The following INPP4A variants were observed in gnomAD, a reference collection of about 807,000 sequenced individuals.
The protein encoded by INPP4A is inositol polyphosphate-4-phosphatase, type I, 107kD.
INPP4A carries 33 observed loss-of-function variants against 119.8 expected under a neutral mutation model. That is an observed-to-expected ratio of 0.28 (90% CI 0.21 to 0.37). The LOEUF is 0.37. Among genes scored for constraint, INPP4A ranks in the 10% least tolerant of loss-of-function variants. The pLI, the probability that INPP4A is intolerant of heterozygous loss-of-function variation, is 1.00. For missense variants in INPP4A, 956 were observed against 1,289.9 expected, an observed-to-expected ratio of 0.74 and a Z score of 3.97; for synonymous variants, 496 against 500.7, an observed-to-expected ratio of 0.99 and a Z score of 0.12.
intron 23 of INPP4A, among the ~76,000 whole-genome samples, chr2:98,573,955 T>C (rs1697959141): frequency 6.6e-6 from 1 of 152,256 alleles, no homozygotes. Flanking sequence ...GGTCAGACTT[T>C]ATCTTTGTGG....
chr2:98,462,533 G>T (rs1673791658), intron 1 of INPP4A, among the ~76,000 whole-genome samples: 2 of 147,024 alleles, frequency 1.4e-5, no homozygotes, highest in African/African-American at 2.5e-5. Context: ...AATTATTATT[G>T]TTTTTTTTTT....
chr2:98,450,457 T>C (rs1695028765), intron 1 of INPP4A, among the ~76,000 whole-genome samples: 1 of 152,232 alleles, frequency 6.6e-6, no homozygotes, highest in Admixed American at 6.5e-5. Flanking sequence ...TTCGAAACCA[T>C]TTATTTTATC....
chr2:98,578,240 C>T (rs568974277), intron 24 of INPP4A, among the ~76,000 whole-genome samples: 1 of 152,292 alleles, frequency 6.6e-6, no homozygotes, highest in South Asian at 2.1e-4. Context: ...AGCCTTGGTG[C>T]CATTCAGGCC....
Position 98,549,937 on chromosome 2 carries a change from A to G in INPP4A, c.1164-2849A>G, listed in dbSNP as rs142350170. Among the ~76,000 whole-genome samples, 1,075 of 152,050 alleles carry G rather than the reference A, an allele frequency of 7.1e-3. 19 individuals carry two copies. Among genetic ancestry groups the G allele is most frequent in the African/African-American group, 0.024 (1,005 of 41,460 alleles). On this transcript the variant is annotated intron_variant, in intron 13 of 24. Transcript: ENST00000409851. ...AGCCTCCCCTCCCTGCCTTTTCTCT[A>G]CTGGGGACTCTTTCAAGGCCTGATC...
intron 1 of INPP4A, among the ~76,000 whole-genome samples, chr2:98,471,412 CA>C (rs1675980938): frequency 6.6e-6 from 1 of 152,206 alleles, no homozygotes; most frequent in Non-Finnish European, 1.5e-5. Context: ...AAATATATAG[CA>C]GGTGGGAGTA....
chr2:98,520,341 G>A (rs1341724242), intron 3 of INPP4A, among the ~76,000 whole-genome samples, 187 bp downstream of exon 3: 3 of 152,192 alleles, frequency 2.0e-5, no homozygotes, highest in African/African-American at 7.2e-5. Flanking sequence ...CTCTTCCTGT[G>A]AACCGCTTCT....
chr2:98,531,942 A>G (rs1483331446), intron 4 of INPP4A, among the ~76,000 whole-genome samples: 2 of 152,218 alleles, frequency 1.3e-5, no homozygotes, highest in Admixed American at 1.3e-4. Context: ...ATGAATAGCA[A>G]CTATAGAAAA....
intron 1 of INPP4A, among the ~76,000 whole-genome samples, chr2:98,487,991 C>G (rs1268173440): frequency 6.6e-6 from 1 of 152,124 alleles, no homozygotes; most frequent in Non-Finnish European, 1.5e-5. Flanking sequence ...CTTCTTGATT[C>G]TGTTTTAGTT....
intron 1 of INPP4A, among the ~76,000 whole-genome samples, chr2:98,512,711 C>T (rs1685361233): frequency 6.6e-6 from 1 of 152,248 alleles, no homozygotes; most frequent in Non-Finnish European, 1.5e-5. Flanking sequence ...CCTCCCACTA[C>T]TGTTAGAATG....
chr2:98,505,373 A>C (rs1459148790), intron 1 of INPP4A, among the ~76,000 whole-genome samples: 1 of 152,148 alleles, frequency 6.6e-6, no homozygotes, highest in African/African-American at 2.4e-5. Flanking sequence ...TGCGTTTCCC[A>C]TGTGGGGCCT....
chr2:98,464,188 G>A (rs1035425022), intron 1 of INPP4A, among the ~76,000 whole-genome samples: 3 of 152,150 alleles, frequency 2.0e-5, no homozygotes, highest in African/African-American at 7.2e-5. Context: ...CACAGGCTGG[G>A]GAAGGTTGGG....
intron 9 of INPP4A, 82 bp downstream of exon 9, chr2:98,539,063 C>T: frequency 2.8e-6 from 2 of 706,802 alleles, no homozygotes; most frequent in Non-Finnish European, 4.8e-6. Context: ...TCCCCACCTG[C>T]TGCGATTGTC....
chr2:98,558,584 A>G (rs1694901517), intron 16 of INPP4A, among the ~76,000 whole-genome samples: 1 of 152,162 alleles, frequency 6.6e-6, no homozygotes, highest in Admixed American at 6.5e-5. Flanking sequence ...TAAAATCCCC[A>G]TAAAGCTGGT....
intron 1 of INPP4A, among the ~76,000 whole-genome samples, chr2:98,471,760 C>G (rs1292628188): frequency 2.6e-5 from 4 of 152,218 alleles, no homozygotes; most frequent in Non-Finnish European, 5.9e-5. Flanking sequence ...CCGCAGCCCC[C>G]TAGCCGCCAG....
At chr2:98,585,221 AC>A (rs1699821754) in intron 24 of INPP4A, among the ~76,000 whole-genome samples, 1 of 151,938 alleles carries the variant, frequency 6.6e-6, no homozygotes, top group Non-Finnish European at 1.5e-5. Flanking sequence ...AGTAGCAGCC[AC>A]CCCATGCTCA....
chr2:98,499,945 G>T (rs777443537), intron 1 of INPP4A, among the ~76,000 whole-genome samples: 10 of 152,170 alleles, frequency 6.6e-5, no homozygotes, highest in Non-Finnish European at 1.3e-4. Flanking sequence ...GTCCAGCAGG[G>T]TGTACTTGTG....
At chr2:98,524,569 G>A (rs1264589425) in intron 4 of INPP4A, among the ~76,000 whole-genome samples, 1 of 152,178 alleles carries the variant, frequency 6.6e-6, no homozygotes. Context: ...GCCACCTGCT[G>A]TACCTTACGT....
chr2:98,560,983 T>C lies in INPP4A; in HGVS notation c.1855+1488T>C, dbSNP rs1193877637. ...GAAGCACTGATGGCTTTTTCACAGT[T>C]GATGCTGATGGACTAAAATGGTCCT... is the stretch of plus-strand genomic sequence containing the variant. On this transcript the variant is annotated intron_variant, in intron 17 of 24. Transcript: ENST00000409851. Among the ~76,000 whole-genome samples, 2 of 152,210 alleles carry C rather than the reference T, an allele frequency of 1.3e-5. 1 individual carries two copies. The highest frequency in any genetic ancestry group is 6.3e-3 in the Middle Eastern group (2 of 316).
At chr2:98,520,809 A>G (rs763356641) in intron 4 of INPP4A, 78 bp downstream of exon 4, 23 of 780,236 alleles carry the variant, frequency 2.9e-5, no homozygotes, top group Middle Eastern at 2.5e-4. Context: ...CCACCAGTGC[A>G]TGGGCTTGTC....
Sources: allele counts gnomAD v4.1 joint callset (sites outside exome capture counted in the v4.1 genomes callset), GRCh38; gene constraint gnomAD v4.1.1; transcripts MANE v1.5; gene names NCBI Gene and HGNC (gene_info 2026-07-23, HGNC 2026-07-21).